Variants in DNAJC1 observed in about 807,000 individuals in gnomAD.
DNAJC1 encodes dnaJ homolog subfamily C member 1.
Under a neutral mutation model 76.6 loss-of-function variants are expected in DNAJC1, and 58 were observed. That is an observed-to-expected ratio of 0.76 (90% CI 0.61 to 0.94). The LOEUF is 0.94. Among genes scored for constraint, DNAJC1 ranks in the 40% least tolerant of loss-of-function variants. DNAJC1 has a pLI of 0.00. For missense variants in DNAJC1, 689 were observed against 677.3 expected (o/e 1.02, Z -0.19); for synonymous variants, 258 against 267.9 (o/e 0.96, Z 0.36).
chr10:21,834,722 G>A (rs1173751702), intron 8 of DNAJC1, among the ~76,000 whole-genome samples: 1 of 152,200 alleles, frequency 6.6e-6, no homozygotes, highest in Non-Finnish European at 1.5e-5. Context: ...CTCGCTCATT[G>A]CTAGCACAGC....
chr10:21,906,317 G>C (rs928585285), intron 6 of DNAJC1, among the ~76,000 whole-genome samples: 1 of 151,900 alleles, frequency 6.6e-6, no homozygotes, highest in Non-Finnish European at 1.5e-5. Flanking sequence ...GTTTCAACAG[G>C]GTTTTGGGTT....
In DNAJC1 at chr10:22,003,412, G is replaced by T; in HGVS notation, c.23C>A (p.Pro8Gln). The T allele has an allele frequency of 7.3e-7, 1 of 1,370,732 alleles. No homozygotes were observed. The highest frequency in any genetic ancestry group is 9.4e-7 in the Non-Finnish European group (1 of 1,064,394). 84.9% of individuals were successfully genotyped at this position (1,370,732 alleles called of 1,614,324 possible). ...CTGGCGGCGTCCAGGAAGCTGCGCC[G>T]GCTGGGAGCAAGGAGCCGTCATCGC... Reference protein sequence around the residue: MTAPCSQPAQLPGRRQLG... With the variant: MTAPCSQQAQLPGRRQLG... The change falls in exon 1 of 12, where the codon CCG (proline) becomes CAG (glutamine). Residue 8 changes from proline to glutamine, a missense_variant. Transcript: ENST00000376980.
intron 9 of DNAJC1, among the ~76,000 whole-genome samples, chr10:21,768,175 T>C (rs1288246044): frequency 6.6e-6 from 1 of 152,244 alleles, no homozygotes; most frequent in Non-Finnish European, 1.5e-5. Flanking sequence ...AATGCACTTA[T>C]CTAACAAGCC....
At chr10:21,827,408 C>T (rs1835279153) in intron 8 of DNAJC1, among the ~76,000 whole-genome samples, 1 of 152,020 alleles carries the variant, frequency 6.6e-6, no homozygotes, top group East Asian at 1.9e-4. Context: ...CCTAGGGCTG[C>T]CATAAAAAAA....
chr10:21,865,889 CTT>C (rs1478231903), intron 8 of DNAJC1: 37 of 152,198 alleles, frequency 2.4e-4, no homozygotes, highest in African/African-American at 8.2e-4. Flanking sequence ...AATTCCAACA[CTT>C]TGGGAAGCCA....
intron 7 of DNAJC1, among the ~76,000 whole-genome samples, chr10:21,887,379 A>T (rs535642541): frequency 6.6e-6 from 1 of 152,332 alleles, no homozygotes; most frequent in East Asian, 1.9e-4. Context: ...ACAGAACTAG[A>T]CAAAACTATT....
intron 9 of DNAJC1, among the ~76,000 whole-genome samples, chr10:21,794,440 T>C (rs1183641978): frequency 6.6e-6 from 1 of 152,078 alleles, no homozygotes; most frequent in African/African-American, 2.4e-5. Flanking sequence ...GTTCATGAAT[T>C]TGAACATTCA....
chr10:21,951,512 G>A (rs1017982605), intron 1 of DNAJC1, among the ~76,000 whole-genome samples: 8 of 150,638 alleles, frequency 5.3e-5, no homozygotes, highest in Non-Finnish European at 5.9e-5. Flanking sequence ...TGCTTTATTC[G>A]TTTTCCCTTA....
intron 6 of DNAJC1, among the ~76,000 whole-genome samples, chr10:21,917,554 T>G (rs910680655): frequency 6.6e-6 from 1 of 152,098 alleles, no homozygotes; most frequent in African/African-American, 2.4e-5. Flanking sequence ...AAAAATATTT[T>G]CTGCCTCATT....
intron 8 of DNAJC1, among the ~76,000 whole-genome samples, chr10:21,871,500 C>A (rs1836104064): frequency 6.6e-6 from 1 of 151,880 alleles, no homozygotes; most frequent in African/African-American, 2.4e-5. Context: ...CTACACATAA[C>A]AAAAAATAGA....
At chr10:21,891,195 A>C (rs1334706482) in intron 7 of DNAJC1, among the ~76,000 whole-genome samples, 4 of 152,204 alleles carry the variant, frequency 2.6e-5, no homozygotes, top group Non-Finnish European at 5.9e-5. Flanking sequence ...ATCTCAAAAA[A>C]ATAAATAAAT....
At chr10:21,962,652 T>TC (rs1320707498) in intron 1 of DNAJC1, among the ~76,000 whole-genome samples, 1 of 148,050 alleles carries the variant, frequency 6.8e-6, no homozygotes, top group East Asian at 1.9e-4. Context: ...TCTTTTTCTT[T>TC]TTTTTTTTTT....
Position 21,806,111 on chromosome 10 carries a change from TAAAGA to T in DNAJC1, c.979-17_979-13del, listed in dbSNP as rs1834880142. 1.7e-5 allele frequency: 27 copies of T among 1,582,050 alleles called. No individual in the cohort carries two copies. The highest frequency in any genetic ancestry group is 2.2e-5 in the Non-Finnish European group (26 of 1,164,512). ...GTCCATTCAGGTGCCTGCAAAACAT[TAAAGA>T]AAATAAAAAAAGATAATTGGGAGAA... On this transcript the variant is annotated splice_polypyrimidine_tract_variant and intron_variant, in intron 8 of 11. Transcript: ENST00000376980.
At chr10:21,972,352 T>G (rs1452357809) in intron 1 of DNAJC1, among the ~76,000 whole-genome samples, 4 of 151,890 alleles carry the variant, frequency 2.6e-5, no homozygotes, top group African/African-American at 9.7e-5. Context: ...AGAAAGACAT[T>G]ACACAAAAAA....
intron 7 of DNAJC1, among the ~76,000 whole-genome samples, chr10:21,888,423 G>A (rs1456941599): frequency 6.6e-6 from 1 of 152,128 alleles, no homozygotes; most frequent in Non-Finnish European, 1.5e-5. Flanking sequence ...CTACCGTAAA[G>A]ACACATGCAC....
At chr10:21,774,507 C>T (rs1834429262) in intron 9 of DNAJC1, among the ~76,000 whole-genome samples, 1 of 152,218 alleles carries the variant, frequency 6.6e-6, no homozygotes, top group Non-Finnish European at 1.5e-5. Flanking sequence ...ATTTTCTCCT[C>T]TCTGTCACCT....
chr10:21,800,155 C>A (rs1190945103), intron 9 of DNAJC1, among the ~76,000 whole-genome samples: 1 of 152,192 alleles, frequency 6.6e-6, no homozygotes, highest in Non-Finnish European at 1.5e-5. Flanking sequence ...CTGTCCCACA[C>A]TAGAACCCCT....
At chr10:21,813,051 A>T (rs1834996127) in intron 8 of DNAJC1, among the ~76,000 whole-genome samples, 1 of 139,534 alleles carries the variant, frequency 7.2e-6, no homozygotes, top group South Asian at 2.3e-4. Flanking sequence ...ACACACACAC[A>T]CATATATATA....
At chr10:21,772,784 T>A (rs1834402964) in intron 9 of DNAJC1, among the ~76,000 whole-genome samples, 1 of 152,130 alleles carries the variant, frequency 6.6e-6, no homozygotes, top group Admixed American at 6.5e-5. Context: ...AAGAAATGCC[T>A]GAGATTGGGT....
Sources: gnomAD v4.1 joint callset for allele counts (sites outside exome capture counted in the v4.1 genomes callset) on GRCh38, gnomAD v4.1.1 for gene constraint, MANE v1.5 for transcripts, NCBI Gene and HGNC (gene_info 2026-07-23, HGNC 2026-07-21) for gene names.